The following SPTBN1 variants were observed in gnomAD, a reference collection of about 807,000 sequenced individuals.
The protein encoded by SPTBN1 is spectrin beta, non-erythrocytic 1, also known as spectrin beta chain, non-erythrocytic 1.
Under a neutral mutation model 266.4 loss-of-function variants are expected in SPTBN1, and 32 were observed. The ratio of observed to expected loss-of-function variants is 0.12; its 90% CI spans 0.09 to 0.16. The LOEUF (loss-of-function observed/expected upper bound fraction) is 0.16. SPTBN1 is among the 10% of genes least tolerant of loss of function. SPTBN1 has a pLI of 1.00. For missense variants in SPTBN1, 2,296 were observed against 3,067.1 expected (o/e 0.75, Z 5.94); for synonymous variants, 1,336 against 1,162.2 (o/e 1.15, Z -3.04).
chr2:54,603,186 C>A (rs1377523284), intron 3 of SPTBN1, among the ~76,000 whole-genome samples: 2 of 152,102 alleles, frequency 1.3e-5, no homozygotes, highest in Non-Finnish European at 2.9e-5. Context: ...GGGTAGGGTT[C>A]CAGCTGGGTC....
intron 2 of SPTBN1, among the ~76,000 whole-genome samples, chr2:54,578,578 A>G (rs1385696192): frequency 6.6e-6 from 1 of 152,192 alleles, no homozygotes. Context: ...CTAAGAGTTC[A>G]TCCTTACGTG....
chr2:54,534,091 T>C (rs1323622567), intron 2 of SPTBN1, among the ~76,000 whole-genome samples: 2 of 152,212 alleles, frequency 1.3e-5, no homozygotes, highest in Admixed American at 6.5e-5. Flanking sequence ...TGCAGGTCTC[T>C]GAGAACACCT....
intron 2 of SPTBN1, among the ~76,000 whole-genome samples, chr2:54,590,807 C>T (rs74890702): frequency 0.039 from 5,915 of 152,248 alleles, 150 homozygotes; most frequent in Admixed American, 0.087. Context: ...TAGGAGAGCC[C>T]GTTTGGGACC....
chr2:54,527,523 A>G (rs187930539), intron 2 of SPTBN1: 8 of 152,334 alleles, frequency 5.3e-5, no homozygotes, highest in Non-Finnish European at 1.2e-4. Flanking sequence ...TTAAGTGACA[A>G]AGAGGATTTA....
intron 29 of SPTBN1, 107 bp from the exon 30 acceptor site, chr2:54,657,743 G>A: frequency 7.5e-7 from 1 of 1,333,820 alleles, no homozygotes; most frequent in Admixed American, 1.8e-5. Context: ...CGATAGACTG[G>A]TTATGCAGGT....
chr2:54,667,779 C>T, intron 35 of SPTBN1, 133 bp downstream of exon 35: 1 of 775,890 alleles, frequency 1.3e-6, no homozygotes, highest in Non-Finnish European at 2.2e-6. Context: ...CTCCAGTCAC[C>T]AGCACTAGAA....
In SPTBN1 at chr2:54,653,580, C is replaced by T. The variant is rs776106532; in HGVS notation, c.5578-29C>T. ...TGGTGGGAAGGCCGCCATGGGCTGA[C>T]CTGGCTCATCCCCTACATGGCTTCA... On this transcript the variant is annotated intron_variant, in intron 26 of 35. Coordinates refer to ENST00000356805, the MANE Select transcript of SPTBN1 (RefSeq NM_003128.3). This position sits in a 1 kb window ranked among gnomAD's most constrained non-coding sequence, Gnocchi z 5.1. 28 of 1,609,176 alleles carry T rather than the reference C, an allele frequency of 1.7e-5. 1 individual carries two copies. The highest frequency in any genetic ancestry group is 1.4e-4 in the South Asian group (13 of 90,664).
At position 54,558,167 on chromosome 2, in the gene SPTBN1, G is replaced by A; in HGVS notation, c.148+31601G>A. On this transcript the variant is annotated intron_variant, in intron 2 of 35. Transcript: ENST00000356805. The surrounding 1 kb of genome is among the most constrained non-coding windows in gnomAD (Gnocchi z 4.6). ...AAGGCACTACCGCGGCGAGTCCAGG[G>A]CCCGGCCGGGGGTCGGCGGCTGCCG... 1 of 985,392 alleles carries A rather than the reference G, an allele frequency of 1.0e-6. No individual in the cohort carries two copies. The highest frequency in any genetic ancestry group is 1.2e-6 in the Non-Finnish European group (1 of 829,916). 61.0% of individuals were successfully genotyped at this position (985,392 alleles called of 1,614,324 possible). A position where few individuals can be genotyped will look rare whatever the true frequency, so the allele number is the denominator to read the frequency against.
At chr2:54,618,390 C>G (rs987132477) in intron 7 of SPTBN1, among the ~76,000 whole-genome samples, 197 bp downstream of exon 7, 1 of 152,182 alleles carries the variant, frequency 6.6e-6, no homozygotes, top group Non-Finnish European at 1.5e-5. Flanking sequence ...ACGATTTAAA[C>G]AGAGTCTGAA....
At position 54,671,365 on chromosome 2, in the gene SPTBN1, G is replaced by A. The variant is rs1681677286; in HGVS notation, c.*2796G>A. On this transcript the variant is annotated 3_prime_UTR_variant, in exon 36 of 36. Transcript: ENST00000356805. Reference sequence around the variant, plus strand: ...GTTCCTGGAACTGTTAGAATTGCTTGTGTATGGGGATCCTATGTTAGTTCC... The same window carrying A: ...GTTCCTGGAACTGTTAGAATTGCTTATGTATGGGGATCCTATGTTAGTTCC... The A allele has an allele frequency of 6.6e-6, 1 of 152,198 alleles. No homozygotes were observed. The highest frequency in any genetic ancestry group is 1.9e-4 in the East Asian group (1 of 5,202). The allele number at this position is 152,198 out of a possible 1,614,324, so 9.4% of individuals were successfully genotyped here.
chr2:54,554,377 C>T lies in SPTBN1; in HGVS notation c.148+27811C>T, dbSNP rs1417400198. ...CTTGGTTGCAAAATGGTGACCATAC[C>T]TGCCTCACAGGGTTAGTCACTTGAG... is the stretch of plus-strand genomic sequence containing the variant. On this transcript the variant is annotated intron_variant, in intron 2 of 35. Transcript: ENST00000356805. The surrounding 1 kb of genome is among the most constrained non-coding windows in gnomAD (Gnocchi z 4.5). Among the ~76,000 whole-genome samples the T allele has an allele frequency of 2.0e-5, 3 of 152,148 alleles. No individual in the cohort carries two copies. Among genetic ancestry groups the T allele is most frequent in the African/African-American group, 4.8e-5 (2 of 41,430 alleles).
chr2:54,526,395 G>C lies in SPTBN1; in HGVS notation c.-24G>C. ...AGAACTCTAAGAAGGAGCTGATGTG[G>C]AGGAGCAGCTGAGACAGTTCAAGAT... On this transcript the variant is annotated 5_prime_UTR_variant, in exon 2 of 36. Transcript: ENST00000356805. 6.2e-7 allele frequency: 1 copy of C among 1,611,892 alleles called. No homozygotes were observed. Among genetic ancestry groups the C allele is most frequent in the Non-Finnish European group, 8.5e-7 (1 of 1,178,932 alleles).
chr2:54,576,055 C>CTTCTTTTTTTTTTTTTTTTTT (rs1674443098), intron 2 of SPTBN1, among the ~76,000 whole-genome samples: 1 of 18,734 alleles, frequency 5.3e-5, no homozygotes, highest in Non-Finnish European at 1.1e-4. Flanking sequence ...TCAGATCCAG[C>CTTCTTTTTTTTTTTTTTTTTT]TTTTTTTTTT....
chr2:54,624,739 A>G (rs1678215533), intron 10 of SPTBN1, 65 bp from the exon 11 acceptor site: 17 of 1,600,380 alleles, frequency 1.1e-5, no homozygotes, highest in Non-Finnish European at 1.4e-5. Flanking sequence ...GACTGTAACC[A>G]CGGAAGTTTC....
At chr2:54,641,626 G>A (rs1270720477) in intron 18 of SPTBN1, among the ~76,000 whole-genome samples, 1 of 152,172 alleles carries the variant, frequency 6.6e-6, no homozygotes, top group East Asian at 1.9e-4. Flanking sequence ...TCAACAAAGA[G>A]TGAAATCAAA....
At position 54,483,388 on chromosome 2, in the gene SPTBN1, G is replaced by A. The variant is rs141385736; in HGVS notation, c.-48+26870G>A. On this transcript the variant is annotated intron_variant, in intron 1 of 35. Coordinates refer to ENST00000356805, the MANE Select transcript of SPTBN1 (RefSeq NM_003128.3). Reference sequence around the variant, plus strand: ...GAAGGTAGGGTCACGGAAAAGCGAGGGGTTAGAGGAAACATGAAGTGTATA... The same window carrying A: ...GAAGGTAGGGTCACGGAAAAGCGAGAGGTTAGAGGAAACATGAAGTGTATA... Among the ~76,000 whole-genome samples the A allele has an allele frequency of 1.4e-3, 214 of 152,308 alleles. 2 individuals carry two copies. Among genetic ancestry groups the A allele is most frequent in the Middle Eastern group, 6.8e-3 (2 of 294 alleles).
intron 1 of SPTBN1, among the ~76,000 whole-genome samples, chr2:54,505,666 C>G (rs1241638827): frequency 6.6e-6 from 1 of 152,136 alleles, no homozygotes; most frequent in Non-Finnish European, 1.5e-5. Context: ...CTGGCTGCCC[C>G]TTCTGGACAC....
Position 54,653,833 on chromosome 2 carries a change from C to T in SPTBN1, c.5802C>T (p.Ile1934=), listed in dbSNP as rs781563729. 2.5e-6 allele frequency: 4 copies of T among 1,612,948 alleles called. No homozygotes were observed. The highest frequency in any genetic ancestry group is 2.2e-5 in the East Asian group (1 of 44,880). The change falls in exon 27 of 36, where the codon ATC becomes ATT. Residue 1934 remains isoleucine, a synonymous_variant. Coordinates refer to ENST00000356805, the MANE Select transcript of SPTBN1 (RefSeq NM_003128.3). The surrounding 1 kb of genome is among the most constrained non-coding windows in gnomAD (Gnocchi z 5.1). ...GGATGGAGGATGTCATCCGGCAGATCGAGGCCCAGGAGAAGCCAAGGTAAC... is the reference window on the plus strand; with the variant it reads ...GGATGGAGGATGTCATCCGGCAGATTGAGGCCCAGGAGAAGCCAAGGTAAC... ...MLWMEDVIRQ[I]EAQEKPRDVS...
At position 54,646,186 on chromosome 2, in the gene SPTBN1, C is replaced by CCCT. The variant is rs746842542; in HGVS notation, c.4585-5_4585-3dup. The CCCT allele has an allele frequency of 1.3e-5, 21 of 1,593,314 alleles. No homozygotes were observed. The highest frequency in any genetic ancestry group is 1.6e-5 in the Non-Finnish European group (19 of 1,168,858). Reference sequence around the variant, plus strand: ...CAAGCCTTTGTGTGTATTTTCCGCTCCCTCCAGACCCTCCAGAAAGAAATC... The same window carrying CCCT: ...CAAGCCTTTGTGTGTATTTTCCGCTCCCTCCTCCAGACCCTCCAGAAAGAAATC... On this transcript the variant is annotated splice_polypyrimidine_tract_variant and splice_region_variant and intron_variant, in intron 22 of 35. Transcript: ENST00000356805. This position sits in a 1 kb window ranked among gnomAD's most constrained non-coding sequence, Gnocchi z 4.4.
Sources: gnomAD v4.1 joint callset for allele counts (sites outside exome capture counted in the v4.1 genomes callset) on GRCh38, gnomAD v4.1.1 for gene constraint, Gnocchi (gnomAD v3.1) non-coding constraint, MANE v1.5 for transcripts, NCBI Gene and HGNC (gene_info 2026-07-23, HGNC 2026-07-21) for gene names.